Variants in DDX10 observed in about 807,000 individuals in gnomAD.
DDX10 encodes the protein probable ATP-dependent RNA helicase DDX10.
DDX10 carries 74 observed loss-of-function variants against 104.3 expected under a neutral mutation model. The observed-to-expected ratio is 0.71, with a 90% confidence interval of 0.59 to 0.86. The LOEUF is 0.86. Among genes scored for constraint, DDX10 ranks in the 40% least tolerant of loss-of-function variants. The pLI is 0.00. For missense variants in DDX10, 952 were observed against 1,040.0 expected (o/e 0.92, Z 1.16); for synonymous variants, 351 against 353.4 (o/e 0.99, Z 0.08).
chr11:108,874,806 A>T (rs949190988), intron 16 of DDX10, among the ~76,000 whole-genome samples: 2 of 151,978 alleles, frequency 1.3e-5, no homozygotes, highest in East Asian at 1.9e-4. Flanking sequence ...GTTTTTTTTT[A>T]AACTGTCAAT....
intron 17 of DDX10, chr11:108,920,632 T>G (rs1462736093): frequency 2.0e-5 from 3 of 152,350 alleles, no homozygotes; most frequent in Non-Finnish European, 4.4e-5. Context: ...TAAATTAAAC[T>G]AACTCCCTAG....
chr11:108,926,972 G>A (rs931875671), intron 17 of DDX10, among the ~76,000 whole-genome samples: 4 of 152,172 alleles, frequency 2.6e-5, no homozygotes, highest in East Asian at 1.9e-4. Context: ...GCTCTCAGGC[G>A]CTAAATTCTT....
intron 17 of DDX10, among the ~76,000 whole-genome samples, chr11:108,924,155 G>A (rs1863877657): frequency 6.6e-6 from 1 of 151,856 alleles, no homozygotes; most frequent in South Asian, 2.1e-4. Flanking sequence ...TCATTATCCA[G>A]TCAAATTAAA....
At chr11:108,764,392 G>C (rs767639122) in intron 13 of DDX10, among the ~76,000 whole-genome samples, 13 of 152,210 alleles carry the variant, frequency 8.5e-5, no homozygotes, top group Admixed American at 2.6e-4. Flanking sequence ...AATGGGCCAG[G>C]TGCGGTGGCT....
At chr11:108,720,623 T>C (rs1320314648) in intron 12 of DDX10, among the ~76,000 whole-genome samples, 1 of 152,046 alleles carries the variant, frequency 6.6e-6, no homozygotes, top group Non-Finnish European at 1.5e-5. Context: ...CAGGGTCTTA[T>C]TCTGTCACCC....
chr11:108,935,965 G>A (rs1035116839), intron 17 of DDX10, among the ~76,000 whole-genome samples: 8 of 152,042 alleles, frequency 5.3e-5, no homozygotes, highest in East Asian at 1.9e-4. Flanking sequence ...AGTATTGAAC[G>A]TTTACAAAGC....
rs147558544 is a variant in DDX10, at chr11:108,913,169, G to A, written c.2305-4704G>A. The stretch of plus-strand genomic sequence containing the variant: ...GCCTCAGGAGGTCCTGAGGACATGC[G>A]CCCAAGGTGGTCGGGGCACAGCTTG... On this transcript the variant is annotated intron_variant, in intron 16 of 17. Transcript: ENST00000322536. 9.2e-5 allele frequency among the ~76,000 whole-genome samples: 14 copies of A among 152,258 alleles called. No homozygotes were observed. The South Asian group carries it at 2.5e-3, about 27-fold the overall frequency.
At position 108,801,150 on chromosome 11, in the gene DDX10, C is replaced by A. The variant is rs1862015465; in HGVS notation, c.1966-37296C>A. On this transcript the variant is annotated intron_variant, in intron 13 of 17. Coordinates refer to ENST00000322536, the MANE Select transcript of DDX10 (RefSeq NM_004398.4). ...AGTGTTAGAATGGGTATTCTGAATG[C>A]AAGAATATGATTGTTTCAGTTTTGT... Among the ~76,000 whole-genome samples, 4 of 152,068 alleles carry A rather than the reference C, an allele frequency of 2.6e-5. No homozygotes were observed. In the South Asian group the frequency reaches 8.3e-4, roughly 32 times the overall value.
chr11:108,688,674 G>GAC (rs1414730855), intron 6 of DDX10, among the ~76,000 whole-genome samples: 3 of 152,072 alleles, frequency 2.0e-5, no homozygotes, highest in Non-Finnish European at 4.4e-5. Context: ...GTTAATCCTT[G>GAC]ACCCTGCATT....
chr11:108,734,327 A>G (rs1464981124), intron 13 of DDX10, among the ~76,000 whole-genome samples: 1 of 152,104 alleles, frequency 6.6e-6, no homozygotes, highest in African/African-American at 2.4e-5. Context: ...TTTGGTATAT[A>G]TGCTCATTTG....
intron 16 of DDX10, among the ~76,000 whole-genome samples, chr11:108,885,809 G>A (rs929097488): frequency 1.3e-5 from 2 of 152,186 alleles, no homozygotes; most frequent in Non-Finnish European, 2.9e-5. Flanking sequence ...ATTTAGGGAT[G>A]TACATGATAA....
intron 13 of DDX10, among the ~76,000 whole-genome samples, chr11:108,774,197 T>TA (rs2094366913): frequency 6.6e-6 from 1 of 152,214 alleles, no homozygotes; most frequent in South Asian, 2.1e-4. Context: ...AATAAGGAAA[T>TA]ACGTTTTGCC....
At chr11:108,916,842 A>G (rs542266930) in intron 16 of DDX10, among the ~76,000 whole-genome samples, 5 of 152,160 alleles carry the variant, frequency 3.3e-5, no homozygotes, top group African/African-American at 1.2e-4. Flanking sequence ...TTGTTTTTTG[A>G]CAAAAATAAC....
intron 10 of DDX10, 140 bp downstream of exon 10, chr11:108,706,977 A>G: frequency 4.4e-6 from 3 of 679,872 alleles, no homozygotes; most frequent in Admixed American, 2.7e-5. Flanking sequence ...CTCTTTTTAG[A>G]ACAGTTTTAG....
chr11:108,796,952 A>G (rs1401545253), intron 13 of DDX10, among the ~76,000 whole-genome samples: 1 of 152,050 alleles, frequency 6.6e-6, no homozygotes, highest in African/African-American at 2.4e-5. Flanking sequence ...AGATGTTGGC[A>G]CCTTGATCTT....
intron 16 of DDX10, among the ~76,000 whole-genome samples, chr11:108,910,212 GTA>G (rs1863650498): frequency 6.6e-6 from 1 of 152,124 alleles, no homozygotes; most frequent in Admixed American, 6.5e-5. Flanking sequence ...CAAAAACACT[GTA>G]TAGGCACATC....
intron 13 of DDX10, among the ~76,000 whole-genome samples, chr11:108,732,729 T>C (rs1433202493): frequency 6.6e-6 from 1 of 152,186 alleles, no homozygotes; most frequent in Non-Finnish European, 1.5e-5. Context: ...AGATGGCTGG[T>C]TGACCTCCCA....
intron 13 of DDX10, among the ~76,000 whole-genome samples, chr11:108,737,692 G>A (rs147607414): frequency 2.5e-3 from 376 of 152,252 alleles, no homozygotes; most frequent in African/African-American, 8.3e-3. Flanking sequence ...AATATTTTCA[G>A]CGATGATCTG....
rs148249727 is a variant in DDX10, at chr11:108,722,166, T to G, written c.1500-831T>G. Among the ~76,000 whole-genome samples, 126 of 152,306 alleles carry G rather than the reference T, an allele frequency of 8.3e-4. No individual in the cohort carries two copies. In the East Asian group the frequency reaches 0.015, roughly 18 times the overall value. On this transcript the variant is annotated intron_variant, in intron 12 of 17. Coordinates refer to ENST00000322536, the MANE Select transcript of DDX10 (RefSeq NM_004398.4). ...GCAGCCAGATTTTGAACCCCAGCAG[T>G]CTTATTTCTGAATCCATGCTTCTCA...
Sources: gnomAD v4.1 joint callset for allele counts (sites outside exome capture counted in the v4.1 genomes callset) on GRCh38, gnomAD v4.1.1 for gene constraint, MANE v1.5 for transcripts, NCBI Gene and HGNC (gene_info 2026-07-23, HGNC 2026-07-21) for gene names.